NAV2: variants seen among roughly 807,000 people sequenced by gnomAD.
NAV2 encodes neuron navigator 2.
Under a neutral mutation model 223.2 loss-of-function variants are expected in NAV2, and 54 were observed. That is an observed-to-expected ratio of 0.24 (90% CI 0.19 to 0.30). NAV2 has a LOEUF of 0.30. Ranked by LOEUF, NAV2 falls within the 10% of genes least tolerant of loss-of-function variation. NAV2 has a pLI of 1.00. For synonymous variants in NAV2, 1,279 were observed against 1,239.3 expected (o/e 1.03, Z -0.67); for missense variants, 2,806 against 3,147.5 (o/e 0.89, Z 2.60).
At chr11:19,358,512 A>G (rs903354617) in intron 1 of NAV2, among the ~76,000 whole-genome samples, 15 of 152,296 alleles carry the variant, frequency 9.8e-5, no homozygotes, top group Non-Finnish European at 2.1e-4. Flanking sequence ...AAAGTTACCC[A>G]AAGCTGTATC....
chr11:19,513,842 G>A lies in NAV2; in HGVS notation c.75+162815G>A, dbSNP rs77125077. ...GGGATGGGCAACTCTGTGCAATGAAGAGGCAGAGATGGGAGTGATGCAGCT... is the reference window on the plus strand; with the variant it reads ...GGGATGGGCAACTCTGTGCAATGAAAAGGCAGAGATGGGAGTGATGCAGCT... On this transcript the variant is annotated intron_variant, in intron 1 of 37. Transcript: ENST00000360655. Among the ~76,000 whole-genome samples, 20 of 152,302 alleles carry A rather than the reference G, an allele frequency of 1.3e-4. No homozygotes were observed. The East Asian group carries it at 3.9e-3, about 29-fold the overall frequency.
intron 1 of NAV2, among the ~76,000 whole-genome samples, chr11:19,665,672 G>C (rs2048391864): frequency 6.6e-6 from 1 of 152,136 alleles, no homozygotes; most frequent in Non-Finnish European, 1.5e-5. Flanking sequence ...TTGAGGACAA[G>C]CCTATCTCAA....
chr11:19,397,418 T>TGTGTGTGCGC (rs57566081), intron 1 of NAV2, among the ~76,000 whole-genome samples: 13 of 145,260 alleles, frequency 8.9e-5, no homozygotes, highest in African/African-American at 3.1e-4. Context: ...TGTGTGTGTG[T>TGTGTGTGCGC]GCGCGCATGT....
chr11:19,874,370 T>G (rs2062716946), intron 4 of NAV2, among the ~76,000 whole-genome samples: 1 of 152,220 alleles, frequency 6.6e-6, no homozygotes, highest in South Asian at 2.1e-4. Context: ...GGCTCCAGGT[T>G]GGGTTTAGCC....
intron 14 of NAV2, among the ~76,000 whole-genome samples, chr11:20,045,969 A>G (rs915331048): frequency 6.6e-6 from 1 of 152,200 alleles, no homozygotes; most frequent in African/African-American, 2.4e-5. Flanking sequence ...ATGGGGATGA[A>G]GATACTTTTT....
chr11:19,895,104 C>CTTTTTTTTTTTTTTTTTTTTTTTTTTT (rs71050690), intron 6 of NAV2, among the ~76,000 whole-genome samples: 10 of 99,208 alleles, frequency 1.0e-4, no homozygotes, highest in Non-Finnish European at 1.3e-4. Context: ...CTTTTTCTTT[C>CTTTTTTTTTTTTTTTTTTTTTTTTTTT]TTTTTTTTTT....
intron 1 of NAV2, chr11:19,506,827 A>G (rs888561158): frequency 1.3e-5 from 2 of 152,202 alleles, no homozygotes; most frequent in African/African-American, 4.8e-5. Context: ...AAAACTGGCT[A>G]TATAATTTGA....
At chr11:19,987,955 GGAA>G (rs981236342) in intron 11 of NAV2, among the ~76,000 whole-genome samples, 2 of 152,180 alleles carry the variant, frequency 1.3e-5, no homozygotes, top group Middle Eastern at 3.2e-3. Context: ...TGGCAGACTG[GGAA>G]GAAGAAGAAA....
At chr11:19,943,083 G>A (rs1248991632) in intron 8 of NAV2, among the ~76,000 whole-genome samples, 1 of 152,198 alleles carries the variant, frequency 6.6e-6, no homozygotes, top group Non-Finnish European at 1.5e-5. Context: ...TATATTTTGT[G>A]CGTGTGGTTA....
At chr11:19,529,062 G>GCACA (rs150148924) in intron 1 of NAV2, among the ~76,000 whole-genome samples, 57 of 150,796 alleles carry the variant, frequency 3.8e-4, no homozygotes, top group African/African-American at 1.3e-3. Flanking sequence ...GCACGTGCGT[G>GCACA]CACACACACA....
intron 1 of NAV2, among the ~76,000 whole-genome samples, chr11:19,707,169 CAG>C (rs1249764503): frequency 1.3e-5 from 2 of 152,118 alleles, no homozygotes; most frequent in Non-Finnish European, 2.9e-5. Flanking sequence ...TACACTATTG[CAG>C]AGTTTATTAA....
intron 1 of NAV2, among the ~76,000 whole-genome samples, chr11:19,588,923 G>A (rs1167399649): frequency 2.0e-5 from 3 of 152,220 alleles, no homozygotes; most frequent in Admixed American, 2.0e-4. Flanking sequence ...GTAGTTTCAT[G>A]AACTCAATGG....
At chr11:19,414,552 CA>C (rs925400490) in intron 1 of NAV2, among the ~76,000 whole-genome samples, 30 of 152,268 alleles carry the variant, frequency 2.0e-4, no homozygotes, top group African/African-American at 7.2e-4. Flanking sequence ...AGAAAATTAA[CA>C]AGGATATGCA....
chr11:19,395,390 A>G (rs1448595836), intron 1 of NAV2, among the ~76,000 whole-genome samples: 1 of 152,222 alleles, frequency 6.6e-6, no homozygotes, highest in African/African-American at 2.4e-5. Flanking sequence ...TGGGATGTAG[A>G]GAGGACTCTT....
chr11:19,817,627 A>T (rs186424532), intron 1 of NAV2, among the ~76,000 whole-genome samples: 1 of 152,152 alleles, frequency 6.6e-6, no homozygotes, highest in East Asian at 1.9e-4. Flanking sequence ...ATGTGAAAGG[A>T]GGGAGGGGGT....
Position 19,424,766 on chromosome 11 carries a change from G to A in NAV2, c.75+73739G>A, listed in dbSNP as rs567541791. 1.3e-3 allele frequency among the ~76,000 whole-genome samples: 199 copies of A among 152,094 alleles called. 1 individual carries two copies. Among genetic ancestry groups the A allele is most frequent in the African/African-American group, 4.5e-3 (185 of 41,476 alleles). On this transcript the variant is annotated intron_variant, in intron 1 of 37. Coordinates refer to the NAV2 transcript ENST00000360655. The stretch of plus-strand genomic sequence containing the variant: ...GGGTTTCGCCATGTTGGCCAGGCTG[G>A]TTTCTAACTCCTGACCTCAAGTGAT...
At chr11:20,003,598 G>C (rs1194872706) in intron 11 of NAV2, among the ~76,000 whole-genome samples, 16 of 152,076 alleles carry the variant, frequency 1.1e-4, no homozygotes, top group Non-Finnish European at 2.2e-4. Context: ...CTCTAAGTTA[G>C]TTCTACTTGA....
At chr11:19,823,708 C>T (rs1169107413) in intron 1 of NAV2, among the ~76,000 whole-genome samples, 1 of 152,156 alleles carries the variant, frequency 6.6e-6, no homozygotes, top group Non-Finnish European at 1.5e-5. Context: ...CCTAAGGACA[C>T]ATCCTTGTAA....
chr11:19,837,257 A>G (rs79148531), intron 2 of NAV2, among the ~76,000 whole-genome samples: 1 of 152,144 alleles, frequency 6.6e-6, no homozygotes, highest in Non-Finnish European at 1.5e-5. Flanking sequence ...TTAAAAATAG[A>G]TATATCAATG....
Sources: allele counts gnomAD v4.1 joint callset (sites outside exome capture counted in the v4.1 genomes callset), GRCh38; gene constraint gnomAD v4.1.1; transcripts MANE v1.5; gene names NCBI Gene and HGNC (gene_info 2026-07-23, HGNC 2026-07-21).